Variants in HDGFL3 observed in about 807,000 individuals in gnomAD.
HDGFL3 encodes hepatoma-derived growth factor-related protein 3.
Under a neutral mutation model 27.6 loss-of-function variants are expected in HDGFL3, and 6 were observed. That is an observed-to-expected ratio of 0.22 (90% CI 0.12 to 0.43). The LOEUF (loss-of-function observed/expected upper bound fraction) is 0.43, where lower values mean the gene tolerates loss of function less well. HDGFL3 is among the 20% of genes least tolerant of loss of function. The pLI is 1.00. For missense variants in HDGFL3, 207 were observed against 250.1 expected (o/e 0.83, Z 1.16); for synonymous variants, 88 against 88.9 (o/e 0.99, Z 0.05).
intron 4 of HDGFL3, among the ~76,000 whole-genome samples, chr15:83,156,429 G>A (rs1806122181): frequency 6.6e-6 from 1 of 152,174 alleles, no homozygotes; most frequent in African/African-American, 2.4e-5. Flanking sequence ...CAGGAATGGA[G>A]TTGCTCACCG....
intron 2 of HDGFL3, among the ~76,000 whole-genome samples, chr15:83,159,523 G>C (rs975316884): frequency 2.0e-5 from 3 of 152,034 alleles, no homozygotes; most frequent in Non-Finnish European, 4.4e-5. Flanking sequence ...TGGGGGTTTG[G>C]ACAATAAAAA....
chr15:83,151,299 CTCT>C lies in HDGFL3; in HGVS notation c.519_521del (p.Glu175del). 6.2e-7 allele frequency: 1 copy of C among 1,613,402 alleles called. No homozygotes were observed. Among genetic ancestry groups the C allele is most frequent in the East Asian group, 2.2e-5 (1 of 44,866 alleles). On this transcript the variant is annotated inframe_deletion, in exon 5 of 6. Transcript: ENST00000299633. ...CACCCTCAGAGCTGCTTTTGTTTTC[CTCT>C]TCTTTGCAGTCTTTGTCATCTTCAT...
chr15:83,149,846 G>A (rs909510842), intron 5 of HDGFL3, among the ~76,000 whole-genome samples: 2 of 152,136 alleles, frequency 1.3e-5, no homozygotes, highest in African/African-American at 2.4e-5. Flanking sequence ...AGAGGGGAAG[G>A]AGCCAGTGGA....
chr15:83,176,193 ATG>A (rs2037307436), intron 1 of HDGFL3, among the ~76,000 whole-genome samples: 1 of 152,216 alleles, frequency 6.6e-6, no homozygotes, highest in Non-Finnish European at 1.5e-5. Flanking sequence ...GTAAGCCTCA[ATG>A]TGTGACTGTA....
chr15:83,193,424 G>A (rs1567177357), intron 1 of HDGFL3, among the ~76,000 whole-genome samples: 1 of 152,106 alleles, frequency 6.6e-6, no homozygotes, highest in Non-Finnish European at 1.5e-5. Flanking sequence ...AAAAAAAACA[G>A]AAAATAAGCA....
downstream of HDGFL3, among the ~76,000 whole-genome samples, chr15:83,127,064 C>T (rs1403020924): frequency 6.6e-6 from 1 of 151,960 alleles, no homozygotes; most frequent in East Asian, 1.9e-4. Flanking sequence ...CATGGTGGCA[C>T]ATGCCTGTAA....
intron 2 of HDGFL3, among the ~76,000 whole-genome samples, chr15:83,162,779 C>T (rs1000347467): frequency 6.6e-6 from 1 of 152,196 alleles, no homozygotes; most frequent in Non-Finnish European, 1.5e-5. Context: ...TCATGCTAGG[C>T]TCTACTAACG....
rs539975761 is a variant in HDGFL3 at position 83,174,503 on chromosome 15, A to G, written c.85-10428T>C. Among the ~76,000 whole-genome samples, 22 of 148,970 alleles carry G rather than the reference A, an allele frequency of 1.5e-4. 1 individual carries two copies. The South Asian group carries it at 4.6e-3, about 31-fold the overall frequency. On this transcript the variant is annotated intron_variant, in intron 1 of 5. Coordinates refer to ENST00000299633, the MANE Select transcript of HDGFL3 (RefSeq NM_016073.4). ...GTTACATTGAGCACCACCCTAAAAAAAAAAAAAACCTCAAAATGAATCTGT... is the reference window on the plus strand; with the variant it reads ...GTTACATTGAGCACCACCCTAAAAAGAAAAAAAACCTCAAAATGAATCTGT...
At chr15:83,160,234 T>C (rs1234760624) in intron 2 of HDGFL3, among the ~76,000 whole-genome samples, 1 of 151,966 alleles carries the variant, frequency 6.6e-6, no homozygotes, top group Non-Finnish European at 1.5e-5. Context: ...GTCGCCAGGC[T>C]GGAGTGCACT....
intron 1 of HDGFL3, among the ~76,000 whole-genome samples, chr15:83,180,467 T>C (rs1221379050): frequency 2.6e-5 from 4 of 151,990 alleles, no homozygotes; most frequent in Non-Finnish European, 5.9e-5. Flanking sequence ...AACCCTAACA[T>C]GTGATGTTGT....
chr15:83,126,442 A>T (rs2035756559), downstream of HDGFL3, among the ~76,000 whole-genome samples: 1 of 152,236 alleles, frequency 6.6e-6, no homozygotes, highest in Non-Finnish European at 1.5e-5. Flanking sequence ...AGTTATTTCC[A>T]AGAAAAGTGA....
At chr15:83,123,302 A>G (rs1471401828), downstream of HDGFL3, among the ~76,000 whole-genome samples, 1 of 152,160 alleles carries the variant, frequency 6.6e-6, no homozygotes, top group African/African-American at 2.4e-5. Context: ...GGTAGTCTAC[A>G]CAGCCATACA....
chr15:83,154,767 A>G (rs1197932301), intron 4 of HDGFL3, among the ~76,000 whole-genome samples: 1 of 152,220 alleles, frequency 6.6e-6, no homozygotes, highest in East Asian at 1.9e-4. Flanking sequence ...CAAACAATGT[A>G]AGCTTGTCTT....
intron 1 of HDGFL3, among the ~76,000 whole-genome samples, chr15:83,193,598 C>T (rs977963303): frequency 3.9e-5 from 6 of 152,156 alleles, no homozygotes; most frequent in African/African-American, 1.2e-4. Flanking sequence ...AGATTGAAGA[C>T]TAGCAGAAAC....
At chr15:83,189,091 T>A (rs1290473515) in intron 1 of HDGFL3, among the ~76,000 whole-genome samples, 1 of 152,080 alleles carries the variant, frequency 6.6e-6, no homozygotes, top group Admixed American at 6.5e-5. Flanking sequence ...ACCACTTCTT[T>A]CTACATCCAC....
intron 4 of HDGFL3, among the ~76,000 whole-genome samples, chr15:83,156,545 A>T (rs2037031972): frequency 6.6e-6 from 1 of 152,158 alleles, no homozygotes; most frequent in Non-Finnish European, 1.5e-5. Context: ...TGACAAGTAA[A>T]AATATATCTT....
chr15:83,151,096 G>C, intron 5 of HDGFL3, 119 bp downstream of exon 5: 7 of 921,834 alleles, frequency 7.6e-6, no homozygotes, highest in South Asian at 3.5e-5. Context: ...GCATATAATA[G>C]GCTGAGAATA....
chr15:83,119,839 T>G, intron 3 of HDGFL3: 2 of 1,129,940 alleles, frequency 1.8e-6, no homozygotes, highest in Non-Finnish European at 1.2e-6. Context: ...ATCCTCCTTG[T>G]ACCACTGCCT....
At chr15:83,168,812 G>A (rs2037204864) in intron 1 of HDGFL3, among the ~76,000 whole-genome samples, 1 of 152,050 alleles carries the variant, frequency 6.6e-6, no homozygotes, top group Non-Finnish European at 1.5e-5. Context: ...ACCTGGCAAA[G>A]ACACAACAAA....
Sources: gnomAD v4.1 joint callset for allele counts (sites outside exome capture counted in the v4.1 genomes callset) on GRCh38, gnomAD v4.1.1 for gene constraint, MANE v1.5 for transcripts, NCBI Gene and HGNC (gene_info 2026-07-23, HGNC 2026-07-21) for gene names.